Variants in CNBD2 observed in about 807,000 individuals in gnomAD.
CNBD2 encodes the protein cyclic nucleotide-binding domain-containing protein 2.
In CNBD2, 64 loss-of-function variants were observed where a neutral mutation model predicts 63.7. The observed-to-expected ratio is 1.00, with a 90% confidence interval of 0.82 to 1.24. The LOEUF is 1.24. CNBD2 is among the 50% of genes most tolerant of loss of function. The pLI, the probability that CNBD2 is intolerant of heterozygous loss-of-function variation, is 0.00. For synonymous variants in CNBD2, 229 were observed against 255.4 expected (o/e 0.90, Z 0.99); for missense variants, 691 against 713.5 (o/e 0.97, Z 0.36).
At chr20:35,958,556 A>G (rs746803608), downstream of CNBD2, among the ~76,000 whole-genome samples, 10 of 152,252 alleles carry the variant, frequency 6.6e-5, no homozygotes, top group Non-Finnish European at 1.0e-4. Flanking sequence ...TTGCATAACT[A>G]TAGTACAATA....
At chr20:36,001,112 A>G (rs1368798323) in intron 8 of CNBD2, among the ~76,000 whole-genome samples, 2 of 151,504 alleles carry the variant, frequency 1.3e-5, no homozygotes, top group Non-Finnish European at 2.9e-5. Context: ...TACAGAACAA[A>G]ATGAAAAGAC....
chr20:35,990,684 C>A (rs554609486), intron 7 of CNBD2, among the ~76,000 whole-genome samples: 1 of 152,100 alleles, frequency 6.6e-6, no homozygotes, highest in South Asian at 2.1e-4. Flanking sequence ...GGTACAGTGG[C>A]TCACGCCTGT....
At chr20:36,001,959 G>T (rs1406208907) in intron 8 of CNBD2, among the ~76,000 whole-genome samples, 2 of 152,062 alleles carry the variant, frequency 1.3e-5, no homozygotes, top group Non-Finnish European at 2.9e-5. Context: ...ACGATGGGCG[G>T]CCAGGCAGAG....
intron 8 of CNBD2, among the ~76,000 whole-genome samples, chr20:36,008,014 C>T (rs1324718555): frequency 6.6e-6 from 1 of 152,130 alleles, no homozygotes; most frequent in East Asian, 1.9e-4. Context: ...CAAGCTTTAA[C>T]CTTTTTCTGG....
At chr20:35,962,358 A>G (rs552462987) in intron 2 of CNBD2, among the ~76,000 whole-genome samples, 3 of 148,096 alleles carry the variant, frequency 2.0e-5, no homozygotes, top group Non-Finnish European at 4.4e-5. Context: ...TCCTGGGTTC[A>G]CGCCATTCTC....
chr20:36,011,100 T>C, intron 9 of CNBD2, 37 bp from the exon 10 acceptor site: 3 of 1,480,050 alleles, frequency 2.0e-6, no homozygotes, highest in Non-Finnish European at 2.7e-6. Flanking sequence ...GCAGACTGTG[T>C]TACAGATGAG....
In CNBD2 at chr20:35,961,950, T is replaced by C. The variant is rs115031219; in HGVS notation, c.228+4176T>C. ...CAGAGAGGCTCCCAGAGCCAGCCTG[T>C]CCATCACCATCCCAATGTTCTACTG... On this transcript the variant is annotated intron_variant, in intron 2 of 4. Coordinates refer to the CNBD2 transcript ENST00000622112. Among the ~76,000 whole-genome samples, 707 of 152,282 alleles carry C rather than the reference T, an allele frequency of 4.6e-3. 4 individuals carry two copies. Among genetic ancestry groups the C allele is most frequent in the African/African-American group, 0.016 (665 of 41,554 alleles).
At position 35,968,701 on chromosome 20, in the gene CNBD2, A is replaced by G; in HGVS notation, c.-62A>G. On this transcript the variant is annotated 5_prime_UTR_variant, in exon 1 of 12. Coordinates refer to ENST00000373973, the MANE Select transcript of CNBD2 (RefSeq NM_001365709.1). ...AGTATTACTGGATTTTTGGGGAAAAATTTGTAGTCCTCCCCTTGAAAGGCA... is the reference window on the plus strand; with the variant it reads ...AGTATTACTGGATTTTTGGGGAAAAGTTTGTAGTCCTCCCCTTGAAAGGCA... The G allele has an allele frequency of 5.0e-6, 7 of 1,391,642 alleles. No individual in the cohort carries two copies. Among genetic ancestry groups the G allele is most frequent in the Non-Finnish European group, 7.0e-6 (7 of 1,000,962 alleles). 86.2% of individuals were successfully genotyped at this position (1,391,642 alleles called of 1,614,324 possible).
chr20:35,984,590 T>C, intron 5 of CNBD2, 37 bp from the exon 6 acceptor site: 1 of 1,602,928 alleles, frequency 6.2e-7, no homozygotes, highest in South Asian at 1.1e-5. Context: ...GAAGTGGAGG[T>C]GGCCTCACAC....
At chr20:35,993,217 ATATG>A (rs2056773325) in intron 7 of CNBD2, among the ~76,000 whole-genome samples, 1 of 152,204 alleles carries the variant, frequency 6.6e-6, no homozygotes, top group Admixed American at 6.5e-5. Flanking sequence ...AAATTTTTAT[ATATG>A]TATACACCTG....
chr20:36,022,200 T>C (rs1442071538), intron 10 of CNBD2, among the ~76,000 whole-genome samples: 40 of 106,388 alleles, frequency 3.8e-4, no homozygotes, highest in East Asian at 1.6e-3. Flanking sequence ...TTTTTCTTTT[T>C]TTTTTTTTTT....
chr20:35,991,178 C>T (rs2056742360), intron 7 of CNBD2, among the ~76,000 whole-genome samples: 1 of 152,078 alleles, frequency 6.6e-6, no homozygotes, highest in African/African-American at 2.4e-5. Flanking sequence ...GTTTGAGTTG[C>T]AACTATAAAC....
chr20:35,986,960 G>A (rs2056675717), intron 6 of CNBD2, among the ~76,000 whole-genome samples: 1 of 152,242 alleles, frequency 6.6e-6, no homozygotes, highest in South Asian at 2.1e-4. Context: ...GGGGACACAA[G>A]GGTTGGATGA....
chr20:36,016,375 A>G (rs1373729043), intron 10 of CNBD2, among the ~76,000 whole-genome samples: 1 of 152,244 alleles, frequency 6.6e-6, no homozygotes, highest in Non-Finnish European at 1.5e-5. Context: ...GTAGCAGTAG[A>G]GGTTCACTAA....
At chr20:35,954,435 G>A (rs1461675363), upstream of CNBD2, 11 of 1,550,082 alleles carry the variant, frequency 7.1e-6, no homozygotes, top group South Asian at 1.2e-5. Flanking sequence ...GGCCGAGAGT[G>A]TGCGGAGCTT....
chr20:36,026,341 C>G (rs193005252), intron 11 of CNBD2, among the ~76,000 whole-genome samples: 5 of 152,220 alleles, frequency 3.3e-5, no homozygotes, highest in Non-Finnish European at 7.4e-5. Flanking sequence ...CCTCCACCCC[C>G]ACTTCGGGAC....
chr20:36,016,310 G>T (rs1207335625), intron 10 of CNBD2, among the ~76,000 whole-genome samples: 1 of 152,138 alleles, frequency 6.6e-6, no homozygotes, highest in Non-Finnish European at 1.5e-5. Context: ...ATAGAAAAAG[G>T]GCATTAGGTG....
At chr20:36,004,809 C>T (rs1447195144) in intron 8 of CNBD2, among the ~76,000 whole-genome samples, 1 of 152,122 alleles carries the variant, frequency 6.6e-6, no homozygotes, top group Non-Finnish European at 1.5e-5. Flanking sequence ...GGGATCTTCC[C>T]ACCTCAGCCT....
At chr20:35,994,129 G>A (rs924588725) in intron 7 of CNBD2, among the ~76,000 whole-genome samples, 5 of 150,670 alleles carry the variant, frequency 3.3e-5, no homozygotes, top group African/African-American at 1.2e-4. Context: ...GCAATGATGC[G>A]ATCTTGGCTC....
Sources: allele counts gnomAD v4.1 joint callset (sites outside exome capture counted in the v4.1 genomes callset), GRCh38; gene constraint gnomAD v4.1.1; transcripts MANE v1.5; gene names NCBI Gene and HGNC (gene_info 2026-07-23, HGNC 2026-07-21).